MAB21L1: variants seen among roughly 807,000 people sequenced by gnomAD.
MAB21L1 encodes putative nucleotidyltransferase MAB21L1.
In MAB21L1, 8 loss-of-function variants were observed where a neutral mutation model predicts 28.9. The observed-to-expected ratio is 0.28, with a 90% CI of 0.16 to 0.50. The LOEUF is 0.50. MAB21L1 is among the 20% of genes least tolerant of loss of function. The probability of loss-of-function intolerance (pLI) is 0.98; values close to 1 mark genes in which losing one functional copy is unlikely to be tolerated. For synonymous variants in MAB21L1, 219 were observed against 198.2 expected, an observed-to-expected ratio of 1.10 and a Z score of -0.88; for missense variants, 388 against 466.5, an observed-to-expected ratio of 0.83 and a Z score of 1.55.
Position 35,475,837 on chromosome 13 carries a change from T to C in MAB21L1, c.302A>G (p.Lys101Arg). The C allele has an allele frequency of 6.2e-7, 1 of 1,613,996 alleles. No homozygotes were observed. Among genetic ancestry groups the C allele is most frequent in the Middle Eastern group, 1.6e-4 (1 of 6,062 alleles). ...GCTCCTCTTGCGCCCGTCGCTCAACTTCAGCACCGCGCAGCCGGGCAGTGA... is the reference window on the plus strand; with the variant it reads ...GCTCCTCTTGCGCCCGTCGCTCAACCTCAGCACCGCGCAGCCGGGCAGTGA... ...DGSLPGCAVL[K>R]LSDGRKRSMS... The change falls in exon 1 of 1, where the codon AAG (lysine) becomes AGG (arginine). Residue 101 changes from lysine (K) to arginine (R), a missense_variant. Coordinates refer to ENST00000379919, the MANE Select transcript of MAB21L1 (RefSeq NM_005584.5).
In MAB21L1 at chr13:35,476,512, G is replaced by T; in HGVS notation, c.-374C>A. On this transcript the variant is annotated 5_prime_UTR_variant, in exon 1 of 1. Coordinates refer to ENST00000379919, the MANE Select transcript of MAB21L1 (RefSeq NM_005584.5). ...GAATAAAAAACAAAAGTTGCGCTGA[G>T]ACCCAGCAAAGCTCTTCCAGTAGTC... 1.5e-6 allele frequency: 1 copy of T among 655,636 alleles called. No homozygotes were observed. Among genetic ancestry groups the T allele is most frequent in the Non-Finnish European group, 2.7e-6 (1 of 372,746 alleles). 40.6% of individuals were successfully genotyped at this position (655,636 alleles called of 1,614,324 possible). A position where few individuals can be genotyped will look rare whatever the true frequency, so the allele number is the denominator to read the frequency against.
chr13:35,476,225 G>A lies in MAB21L1; in HGVS notation c.-87C>T. On this transcript the variant is annotated 5_prime_UTR_variant, in exon 1 of 1. Coordinates refer to ENST00000379919, the MANE Select transcript of MAB21L1 (RefSeq NM_005584.5). ...GCTGCTAGAGCTGGAGCCAACTTCG[G>A]TGGAGAAACGGGCCGCAACACTCAG... 2.5e-6 allele frequency: 4 copies of A among 1,594,004 alleles called. No individual in the cohort carries two copies. The highest frequency in any genetic ancestry group is 3.4e-6 in the Non-Finnish European group (4 of 1,162,956).
rs1057379507 is a variant in MAB21L1 at position 35,474,057 on chromosome 13, C to T, written c.*1002G>A. ...TAGATTGTTATCTTATGGACCTATA[C>T]AGAAAGAGCTTTTCTCCAATGTTTT... is the stretch of plus-strand genomic sequence containing the variant. On this transcript the variant is annotated 3_prime_UTR_variant, in exon 1 of 1. Coordinates refer to ENST00000379919, the MANE Select transcript of MAB21L1 (RefSeq NM_005584.5). 2 of 152,094 alleles carry T rather than the reference C, an allele frequency of 1.3e-5. No individual in the cohort carries two copies. Among genetic ancestry groups the T allele is most frequent in the Non-Finnish European group, 2.9e-5 (2 of 67,978 alleles). The allele number at this position is 152,094 out of a possible 1,614,324, so 9.4% of individuals were successfully genotyped here.
Position 35,475,156 on chromosome 13 carries a change from T to C in MAB21L1, c.983A>G (p.Gln328Arg). 6.2e-7 allele frequency: 1 copy of C among 1,614,078 alleles called. No homozygotes were observed. The highest frequency in any genetic ancestry group is 1.1e-5 in the South Asian group (1 of 91,080). The change falls in exon 1 of 1, where the codon CAA becomes CGA. Residue 328 changes from glutamine (Q) to arginine (R), a missense_variant. Coordinates refer to ENST00000379919, the MANE Select transcript of MAB21L1 (RefSeq NM_005584.5). ...HYFLPNLDLF[Q>R]GKPHSALENA... Reference sequence around the variant, plus strand: ...TTCCAGAGCTGAGTGAGGTTTGCCTTGAAACAGATCTAAGTTCGGTAGAAA... The same window carrying C: ...TTCCAGAGCTGAGTGAGGTTTGCCTCGAAACAGATCTAAGTTCGGTAGAAA...
In MAB21L1 at chr13:35,475,322, G is replaced by T. The variant is rs781244188; in HGVS notation, c.817C>A (p.His273Asn). 3 of 1,613,928 alleles carry T rather than the reference G, an allele frequency of 1.9e-6. No individual in the cohort carries two copies. Among genetic ancestry groups the T allele is most frequent in the African/African-American group, 2.7e-5 (2 of 74,884 alleles). Residue 273 changes from histidine (H) to asparagine (N), a missense_variant, in exon 1 of 1, where the codon CAT becomes AAT. Coordinates refer to ENST00000379919, the MANE Select transcript of MAB21L1 (RefSeq NM_005584.5). ...TCGTAGGAAACCAGAGTCTTCATATGGTAATTGTTCAAGGGCTGGCCCGGC... is the reference window on the plus strand; with the variant it reads ...TCGTAGGAAACCAGAGTCTTCATATTGTAATTGTTCAAGGGCTGGCCCGGC... ...ELPGQPLNNY[H>N]MKTLVSYECE...
chr13:35,476,068 T>G lies in MAB21L1; in HGVS notation c.71A>C (p.Lys24Thr). Reference sequence around the variant, plus strand: ...CCGGATAGTTTTGGCAATGGCAGCTTTCCTGGCTTGGCATTTTTCGTTGTA... The same window carrying G: ...CCGGATAGTTTTGGCAATGGCAGCTGTCCTGGCTTGGCATTTTTCGTTGTA... ...KYYNEKCQAR[K>T]AAIAKTIREV... Residue 24 changes from lysine (K) to threonine (T), a missense_variant, in exon 1 of 1, where the codon AAA becomes ACA. Physicochemically the swap from Lys to Thr is moderately conservative, Grantham distance 78. Coordinates refer to ENST00000379919, the MANE Select transcript of MAB21L1 (RefSeq NM_005584.5). 6.2e-7 allele frequency: 1 copy of G among 1,614,246 alleles called. No individual in the cohort carries two copies. The highest frequency in any genetic ancestry group is 8.5e-7 in the Non-Finnish European group (1 of 1,180,046).
In MAB21L1 at chr13:35,476,321, C is replaced by G. The variant is rs1325844629; in HGVS notation, c.-183G>C. The G allele has an allele frequency of 6.2e-6, 7 of 1,138,164 alleles. No individual in the cohort carries two copies. In the Admixed American group the frequency reaches 1.0e-4, roughly 17 times the overall value. The allele number at this position is 1,138,164 out of a possible 1,614,324, so 70.5% of individuals were successfully genotyped here. On this transcript the variant is annotated 5_prime_UTR_variant, in exon 1 of 1. Coordinates refer to ENST00000379919, the MANE Select transcript of MAB21L1 (RefSeq NM_005584.5). ...CCTGCTGCTGCTGCTGCTGCTGCTGCTGCTGCTGCTGCTGCTGCTGCTGCT... is the reference window on the plus strand; with the variant it reads ...CCTGCTGCTGCTGCTGCTGCTGCTGGTGCTGCTGCTGCTGCTGCTGCTGCT...
chr13:35,476,300 C>G lies in MAB21L1; in HGVS notation c.-162G>C, dbSNP rs146621732. The G allele has an allele frequency of 2.7e-6, 1 of 373,020 alleles. No homozygotes were observed. 23.1% of individuals were successfully genotyped at this position (373,020 alleles called of 1,614,324 possible). ...AAGTGCTGCAGCGTTGGTTTCCCTG[C>G]TGCTGCTGCTGCTGCTGCTGCTGCT... On this transcript the variant is annotated 5_prime_UTR_variant, in exon 1 of 1. Coordinates refer to ENST00000379919, the MANE Select transcript of MAB21L1 (RefSeq NM_005584.5).
At position 35,476,393 on chromosome 13, in the gene MAB21L1, A is replaced by T. The variant is rs909204975; in HGVS notation, c.-255T>A. The T allele has an allele frequency of 3.6e-6, 4 of 1,111,526 alleles. No individual in the cohort carries two copies. Among genetic ancestry groups the T allele is most frequent in the Non-Finnish European group, 1.3e-6 (1 of 747,358 alleles). 68.9% of individuals were successfully genotyped at this position (1,111,526 alleles called of 1,614,324 possible). A position where few individuals can be genotyped will look rare whatever the true frequency, so the allele number is the denominator to read the frequency against. ...TTATCTTTGAGCCCAGCCGTTCTTA[A>T]AGTGAAAGACTGTCCTCCCCCCTCT... On this transcript the variant is annotated 5_prime_UTR_variant, in exon 1 of 1. Transcript: ENST00000379919.
In MAB21L1 at chr13:35,475,480, C is replaced by T. The variant is rs1353877572; in HGVS notation, c.659G>A (p.Gly220Asp). The T allele has an allele frequency of 6.2e-7, 1 of 1,612,552 alleles. No homozygotes were observed. The highest frequency in any genetic ancestry group is 1.7e-5 in the Admixed American group (1 of 59,952). Residue 220 changes from glycine to aspartate, a missense_variant, in exon 1 of 1, where the codon GGC (glycine) becomes GAC (aspartate). Physicochemically the swap from Gly to Asp is moderately conservative, Grantham distance 94. This residue lies in a region of MAB21L1 where 218 missense variants were observed against 220.6 expected (regional missense o/e 0.99). Coordinates refer to ENST00000379919, the MANE Select transcript of MAB21L1 (RefSeq NM_005584.5). ...LLSKECHSLA[G>D]KQSSAESDAW... ...GTCGCTCTCCGCCGAGCTCTGCTTGCCGGCCAAGGAGTGGCACTCCTTGGA... is the reference window on the plus strand; with the variant it reads ...GTCGCTCTCCGCCGAGCTCTGCTTGTCGGCCAAGGAGTGGCACTCCTTGGA...
rs1173258839 is a variant in MAB21L1 at position 35,476,296 on chromosome 13, C to CCTGCCGCTGCTG, written c.-159_-158insCAGCAGCGGCAG. On this transcript the variant is annotated 5_prime_UTR_variant, in exon 1 of 1. Coordinates refer to ENST00000379919, the MANE Select transcript of MAB21L1 (RefSeq NM_005584.5). ...TCGGAAGTGCTGCAGCGTTGGTTTC[C>CCTGCCGCTGCTG]CTGCTGCTGCTGCTGCTGCTGCTGC... 4.2e-6 allele frequency: 4 copies of CCTGCCGCTGCTG among 961,206 alleles called. No individual in the cohort carries two copies. The highest frequency in any genetic ancestry group is 2.1e-5 in the Admixed American group (1 of 48,528). The allele number at this position is 961,206 out of a possible 1,614,324, so 59.5% of individuals were successfully genotyped here.
At position 35,474,995 on chromosome 13, in the gene MAB21L1, G is replaced by A; in HGVS notation, c.*64C>T. 1 of 1,517,694 alleles carries A rather than the reference G, an allele frequency of 6.6e-7. No homozygotes were observed. Among genetic ancestry groups the A allele is most frequent in the Non-Finnish European group, 8.9e-7 (1 of 1,121,080 alleles). 94.0% of individuals were successfully genotyped at this position (1,517,694 alleles called of 1,614,324 possible). ...GGAGTGGAATATTAGGAATTGAACA[G>A]AAGTTTACACTTAATAAGGACTTTG... On this transcript the variant is annotated 3_prime_UTR_variant, in exon 1 of 1. Transcript: ENST00000379919.
At position 35,475,267 on chromosome 13, in the gene MAB21L1, C is replaced by T; in HGVS notation, c.872G>A (p.Trp291Ter). The change falls in exon 1 of 1, where the codon TGG (tryptophan) becomes TAG (stop). Residue 291 changes from tryptophan (W) to a stop codon, truncating the protein, a stop_gained. Coordinates refer to ENST00000379919, the MANE Select transcript of MAB21L1 (RefSeq NM_005584.5). LOFTEE classifies it high-confidence loss of function. ...ECEKHPRESDWDESCLGDRLN... is the reference protein window; with the variant it reads ...ECEKHPRESD ...CCGATCACCCAGGCAAGACTCGTCCCAGTCCGACTCTCGGGGATGCTTTTC... is the reference window on the plus strand; with the variant it reads ...CCGATCACCCAGGCAAGACTCGTCCTAGTCCGACTCTCGGGGATGCTTTTC... 1 of 1,614,042 alleles carries T rather than the reference C, an allele frequency of 6.2e-7. No individual in the cohort carries two copies. Among genetic ancestry groups the T allele is most frequent in the South Asian group, 1.1e-5 (1 of 91,060 alleles).
chr13:35,474,405 T>C lies in MAB21L1; in HGVS notation c.*654A>G, dbSNP rs1308615407. The C allele has an allele frequency of 6.5e-6, 1 of 152,672 alleles. No individual in the cohort carries two copies. Among genetic ancestry groups the C allele is most frequent in the East Asian group, 1.9e-4 (1 of 5,196 alleles). 9.5% of individuals were successfully genotyped at this position (152,672 alleles called of 1,614,324 possible). On this transcript the variant is annotated 3_prime_UTR_variant, in exon 1 of 1. Transcript: ENST00000379919. ...CATTTCAAGTATATTTATGGAATGT[T>C]AGAAATAGAACAAGCAATATTTGAA...
At position 35,476,033 on chromosome 13, in the gene MAB21L1, T is replaced by C; in HGVS notation, c.106A>G (p.Lys36Glu). The C allele has an allele frequency of 6.2e-7, 1 of 1,614,206 alleles. No individual in the cohort carries two copies. The highest frequency in any genetic ancestry group is 1.7e-5 in the Admixed American group (1 of 60,030). Reference protein sequence around the residue: ...AIAKTIREVCKVVSDVLKEVE... With the variant: ...AIAKTIREVCEVVSDVLKEVE... ...TCCTTCAGTACGTCGGAAACTACTT[T>C]GCAGACTTCCCGGATAGTTTTGGCA... is the stretch of plus-strand genomic sequence containing the variant. The change falls in exon 1 of 1, where the codon AAA (lysine) becomes GAA (glutamate). Residue 36 changes from lysine (K) to glutamate (E), a missense_variant. Lys to Glu is a moderately conservative substitution (Grantham distance 56). This residue lies in a region of MAB21L1 where 89 missense variants were observed against 92.2 expected (regional missense o/e 0.97). Transcript: ENST00000379919.
chr13:35,475,495 C>G lies in MAB21L1; in HGVS notation c.644G>C (p.Cys215Ser). The change falls in exon 1 of 1, where the codon TGC (cysteine) becomes TCC (serine). Residue 215 changes from cysteine (C) to serine (S), a missense_variant. Around this residue, in one of 3 missense-constraint regions of MAB21L1, gnomAD observed 218 missense variants for 220.6 expected, o/e 0.99. Transcript: ENST00000379919. Reference sequence around the variant, plus strand: ...GCTCTGCTTGCCGGCCAAGGAGTGGCACTCCTTGGACAAGAGATTGAAACC... The same window carrying G: ...GCTCTGCTTGCCGGCCAAGGAGTGGGACTCCTTGGACAAGAGATTGAAACC... ...AEGFNLLSKE[C>S]HSLAGKQSSA... 1 of 1,612,390 alleles carries G rather than the reference C, an allele frequency of 6.2e-7. No homozygotes were observed. The highest frequency in any genetic ancestry group is 8.5e-7 in the Non-Finnish European group (1 of 1,179,906).
In MAB21L1 at chr13:35,476,218, A is replaced by C; in HGVS notation, c.-80T>G. 5.0e-6 allele frequency: 8 copies of C among 1,604,012 alleles called. No homozygotes were observed. Among genetic ancestry groups the C allele is most frequent in the Non-Finnish European group, 6.0e-6 (7 of 1,171,698 alleles). On this transcript the variant is annotated 5_prime_UTR_variant, in exon 1 of 1. Coordinates refer to ENST00000379919, the MANE Select transcript of MAB21L1 (RefSeq NM_005584.5). ...CAATGCGGCTGCTAGAGCTGGAGCC[A>C]ACTTCGGTGGAGAAACGGGCCGCAA...
At position 35,475,350 on chromosome 13, in the gene MAB21L1, T is replaced by G. The variant is rs2075816393; in HGVS notation, c.789A>C (p.Glu263Asp). ...AATTGTTCAAGGGCTGGCCCGGCAG[T>G]TCAAGGTGACGATCCCTTAAGGTTT... ...ILKTLRDRHL[E>D]LPGQPLNNYH... Residue 263 changes from glutamate (E) to aspartate (D), a missense_variant, in exon 1 of 1, where the codon GAA (glutamate) becomes GAC (aspartate). By Grantham distance (45) the Glu-to-Asp change is conservative (BLOSUM62 2). This residue lies in a region of MAB21L1 where 218 missense variants were observed against 220.6 expected (regional missense o/e 0.99). Transcript: ENST00000379919. The G allele has an allele frequency of 6.2e-7, 1 of 1,613,790 alleles. No individual in the cohort carries two copies. The highest frequency in any genetic ancestry group is 1.7e-5 in the Admixed American group (1 of 59,976).
At position 35,476,557 on chromosome 13, in the gene MAB21L1, G is replaced by T. The variant is rs2075882236; in HGVS notation, c.-419C>A. The T allele has an allele frequency of 6.9e-6, 4 of 580,560 alleles. No individual in the cohort carries two copies. In the South Asian group the frequency reaches 8.1e-5, roughly 12 times the overall value. The allele number at this position is 580,560 out of a possible 1,614,324, so 36.0% of individuals were successfully genotyped here. A position where few individuals can be genotyped will look rare whatever the true frequency, so the allele number is the denominator to read the frequency against. On this transcript the variant is annotated 5_prime_UTR_variant, in exon 1 of 1. Coordinates refer to ENST00000379919, the MANE Select transcript of MAB21L1 (RefSeq NM_005584.5). ...GTAGTCAAAATAAGCACCCCTTTCCGTATTTATTTGCGCTTTCCCGTAATC... is the reference window on the plus strand; with the variant it reads ...GTAGTCAAAATAAGCACCCCTTTCCTTATTTATTTGCGCTTTCCCGTAATC...
Sources: gnomAD v4.1 joint callset for allele counts on GRCh38, gnomAD v4.1.1 for gene constraint, gnomAD v4.1.1 regional missense constraint, MANE v1.5 for transcripts, NCBI Gene and HGNC (gene_info 2026-07-23, HGNC 2026-07-21) for gene names.